The following KMT2D variants were observed in gnomAD, a reference collection of about 807,000 sequenced individuals.
The protein encoded by KMT2D is histone-lysine N-methyltransferase 2D.
A neutral mutation model predicts 512.7 loss-of-function variants in KMT2D; 55 were observed. The observed-to-expected ratio is 0.11, with a 90% CI of 0.09 to 0.13. KMT2D has a LOEUF of 0.13. Among genes scored for constraint, KMT2D ranks in the 10% least tolerant of loss-of-function variants. The pLI is 1.00. For missense variants in KMT2D, 6,061 were observed against 7,127.9 expected (o/e 0.85, Z 5.39); for synonymous variants, 2,995 against 2,904.0 (o/e 1.03, Z -1.01).
Position 49,046,666 on chromosome 12 carries a change from G to A in KMT2D, c.4361C>T (p.Thr1454Ile), listed in dbSNP as rs2120610701. Residue 1454 changes from threonine (T) to isoleucine (I), a missense_variant, in exon 16 of 55, where the codon ACA (threonine) becomes ATA (isoleucine). Physicochemically the swap from Thr to Ile is moderately conservative, Grantham distance 89. Coordinates refer to ENST00000301067, the MANE Select transcript of KMT2D (RefSeq NM_003482.4). The surrounding 1 kb of genome is among the most constrained non-coding windows in gnomAD (Gnocchi z 4.2). The part of the protein sequence containing the change: ...LCDDCDISYH[T>I]YCLDPPLLTV... ...GAGCAGTGGGGGGTCCAGGCAGTATGTGTGGTAGCTAATATCACAGTCATC... is the reference window on the plus strand; with the variant it reads ...GAGCAGTGGGGGGTCCAGGCAGTATATGTGGTAGCTAATATCACAGTCATC... 1 of 1,613,988 alleles carries A rather than the reference G, an allele frequency of 6.2e-7. No individual in the cohort carries two copies. Among genetic ancestry groups the A allele is most frequent in the Non-Finnish European group, 8.5e-7 (1 of 1,179,892 alleles).
chr12:49,054,778 C>T lies in KMT2D; in HGVS notation c.177-27G>A, dbSNP rs188961745. 93 of 1,609,148 alleles carry T rather than the reference C, an allele frequency of 5.8e-5. No individual in the cohort carries two copies. Among genetic ancestry groups the T allele is most frequent in the East Asian group, 1.6e-4 (7 of 44,746 alleles). The stretch of plus-strand genomic sequence containing the variant: ...TGTGGACACACAAGCATCAGTACCA[C>T]GCCAGGCCCCCAGCAACCCCATGAT... On this transcript the variant is annotated intron_variant, in intron 3 of 54. Transcript: ENST00000301067. This position sits in a 1 kb window ranked among gnomAD's most constrained non-coding sequence, Gnocchi z 6.4.
chr12:49,050,816 G>A (rs1243149984), intron 11 of KMT2D, 26 bp from the exon 12 acceptor site: 97 of 1,586,776 alleles, frequency 6.1e-5, no homozygotes, highest in Non-Finnish European at 8.3e-5. Flanking sequence ...AAAAAGAAGG[G>A]CTCTTAGATT....
intron 15 of KMT2D, 21 bp downstream of exon 15, chr12:49,047,944 C>T (rs376916948): frequency 1.9e-6 from 3 of 1,551,462 alleles, no homozygotes; most frequent in South Asian, 1.1e-5. Flanking sequence ...CCAGCCTACA[C>T]CTCTTGGGCC....
rs2137715754 is a variant in KMT2D, at chr12:49,026,381, C to G, written c.15585G>C (p.Gln5195His). ...FHAIGQLLPH[Q>H]MADFHSATAL... ...CAGTGGCACTATGAAAGTCAGCCAT[C>G]TGGTGAGGCAGCAGCTGTCCGATGG... Residue 5195 changes from glutamine to histidine, a missense_variant, in exon 49 of 55, where the codon CAG (glutamine) becomes CAC (histidine). By Grantham distance (24) the Gln-to-His change is conservative (BLOSUM62 0). This residue lies in a region of KMT2D where 261 missense variants were observed against 440.7 expected (regional missense o/e 0.59). Transcript: ENST00000301067. This position sits in a 1 kb window ranked among gnomAD's most constrained non-coding sequence, Gnocchi z 9.6. The G allele has an allele frequency of 6.2e-7, 1 of 1,612,756 alleles. No individual in the cohort carries two copies. The highest frequency in any genetic ancestry group is 8.5e-7 in the Non-Finnish European group (1 of 1,178,788).
chr12:49,048,151 C>A (rs1937669672), intron 14 of KMT2D, 82 bp from the exon 15 acceptor site: 2 of 934,056 alleles, frequency 2.1e-6, no homozygotes, highest in Non-Finnish European at 3.3e-6. Context: ...CGCTACAACA[C>A]TGATTTGCGA....
rs1468491856 is a variant in KMT2D at position 49,043,518 on chromosome 12, C to T, written c.5468-90G>A. ...AGTCCCACAGCCCTACAGGCCAGGA[C>T]CCTTGACCCCACCCTTGACTCCTGG... is the stretch of plus-strand genomic sequence containing the variant. On this transcript the variant is annotated intron_variant, in intron 24 of 54. Coordinates refer to ENST00000301067, the MANE Select transcript of KMT2D (RefSeq NM_003482.4). The T allele has an allele frequency of 3.1e-6, 5 of 1,587,746 alleles. No individual in the cohort carries two copies. In the East Asian group the frequency reaches 1.1e-4, roughly 36 times the overall value.
In KMT2D at chr12:49,054,214, C is replaced by T. The variant is rs1413400165; in HGVS notation, c.511-74G>A. The T allele has an allele frequency of 3.3e-6, 5 of 1,532,892 alleles. No individual in the cohort carries two copies. Among genetic ancestry groups the T allele is most frequent in the Non-Finnish European group, 4.4e-6 (5 of 1,131,892 alleles). The allele number at this position is 1,532,892 out of a possible 1,614,324, so 95.0% of individuals were successfully genotyped here. ...AAACAGTTCAGGCACTAGCTCTGCC[C>T]CAGTATACCCATGGTCCTTCTCATT... On this transcript the variant is annotated intron_variant, in intron 5 of 54. Transcript: ENST00000301067. The surrounding 1 kb of genome is among the most constrained non-coding windows in gnomAD (Gnocchi z 6.4).
At position 49,037,149 on chromosome 12, in the gene KMT2D, C is replaced by T. The variant is rs2120474682; in HGVS notation, c.10207G>A (p.Ala3403Thr). 1 of 1,580,364 alleles carries T rather than the reference C, an allele frequency of 6.3e-7. No homozygotes were observed. Among genetic ancestry groups the T allele is most frequent in the Non-Finnish European group, 8.6e-7 (1 of 1,157,574 alleles). Residue 3403 changes from alanine to threonine, a missense_variant, in exon 35 of 55, where the codon GCA (alanine) becomes ACA (threonine). Coordinates refer to ENST00000301067, the MANE Select transcript of KMT2D (RefSeq NM_003482.4). The stretch of plus-strand genomic sequence containing the variant: ...CCTGTATCTGGGAAGAAGCTGTTTG[C>T]CAGCTGCTGCTGCATTGCCAATTGC... ...PQQLAMQQQL[A>T]NSFFPDTDLD...
intron 46 of KMT2D, among the ~76,000 whole-genome samples, chr12:49,028,376 T>C (rs1306435306): frequency 8.5e-5 from 13 of 152,238 alleles, no homozygotes; most frequent in Admixed American, 7.8e-4. Flanking sequence ...TAGGAAATGA[T>C]GCATGCTCTA....
In KMT2D at chr12:49,050,283, G is replaced by A. The variant is rs780788375; in HGVS notation, c.3305C>T (p.Ser1102Phe). 7 of 1,611,598 alleles carry A rather than the reference G, an allele frequency of 4.3e-6. No homozygotes were observed. The highest frequency in any genetic ancestry group is 4.2e-6 in the Non-Finnish European group (5 of 1,178,828). The change falls in exon 12 of 55, where the codon TCC (serine) becomes TTC (phenylalanine). Residue 1102 changes from serine (S) to phenylalanine (F), a missense_variant. This residue lies in a region of KMT2D where 447 missense variants were observed against 500.1 expected (regional missense o/e 0.89). Transcript: ENST00000301067. ...SPLPSPMGDL[S>F]CPAPSPAPAL... is the part of the protein sequence containing the mutation. The stretch of plus-strand genomic sequence containing the variant: ...TGGGGCAGGGCTGGGGGCGGGGCAG[G>A]AAAGGTCCCCCATTGGGGAAGGGAG...
rs1938712052 is a variant in KMT2D, at chr12:49,060,793, G to GCGGAGGGATCCCGCCCTCT, written c.-1219_-1218insAGAGGGCGGGATCCCTCCG. 6.6e-6 allele frequency among the ~76,000 whole-genome samples: 1 copy of GCGGAGGGATCCCGCCCTCT among 152,236 alleles called. No individual in the cohort carries two copies. The highest frequency in any genetic ancestry group is 1.5e-5 in the Non-Finnish European group (1 of 68,044). On this transcript the variant is annotated 5_prime_UTR_variant, in exon 1 of 55. Coordinates refer to ENST00000301067, the MANE Select transcript of KMT2D (RefSeq NM_003482.4). ...CCCTATTTTGTGTTGGAGCGGAGCG[G>GCGGAGGGATCCCGCCCTCT]CGGAGGGATCCCGCCCTCTCGGAGG...
rs1438902528 is a variant in KMT2D, at chr12:49,052,192, C to T, written c.1491G>A (p.Pro497=). 9 of 1,612,470 alleles carry T rather than the reference C, an allele frequency of 5.6e-6. No homozygotes were observed. The highest frequency in any genetic ancestry group is 1.6e-4 in the Middle Eastern group (1 of 6,072). ...GGGGAGACAGAGGAGACTCCTCAGG[C>T]GGCGGAGAGAGGGGCGATTCCTCCA... is the stretch of plus-strand genomic sequence containing the variant. ...RPLEESPLSP[P]PEESPLSPPP... is the part of the protein sequence containing the mutation. Residue 497 remains proline, a synonymous_variant, in exon 11 of 55, where the codon CCG becomes CCA. Coordinates refer to ENST00000301067, the MANE Select transcript of KMT2D (RefSeq NM_003482.4).
Position 49,021,697 on chromosome 12 carries a change from C to T in KMT2D, c.*83G>A, listed in dbSNP as rs1198803249. ...CCCCAACCCTGGGTCCTGGCTCTGG[C>T]TGCTACCTCTCTTCCCCCTCATCCC... is the stretch of plus-strand genomic sequence containing the variant. On this transcript the variant is annotated 3_prime_UTR_variant, in exon 55 of 55. Coordinates refer to ENST00000301067, the MANE Select transcript of KMT2D (RefSeq NM_003482.4). 2.5e-6 allele frequency: 3 copies of T among 1,200,982 alleles called. No individual in the cohort carries two copies. Among genetic ancestry groups the T allele is most frequent in the Non-Finnish European group, 3.6e-6 (3 of 825,374 alleles). The allele number at this position is 1,200,982 out of a possible 1,614,324, so 74.4% of individuals were successfully genotyped here. A position where few individuals can be genotyped will look rare whatever the true frequency, so the allele number is the denominator to read the frequency against.
Position 49,038,056 on chromosome 12 carries a change from A to C in KMT2D, c.9300T>G (p.Pro3100=), listed in dbSNP as rs752927587. ...GTTCAGAGGCATCAGCAGCAGGGGG[A>C]GGGCGCTCCTCAGGGCCCAAGGGTC... ...EPGPLGPEER[P]PPAADASEPR... The change falls in exon 35 of 55, where the codon CCT becomes CCG. Residue 3100 remains proline (P), a synonymous_variant. Transcript: ENST00000301067. This position sits in a 1 kb window ranked among gnomAD's most constrained non-coding sequence, Gnocchi z 5.7. 5 of 1,612,154 alleles carry C rather than the reference A, an allele frequency of 3.1e-6. No individual in the cohort carries two copies. The African/African-American group carries it at 5.3e-5, about 17-fold the overall frequency.
In KMT2D at chr12:49,054,319, T is replaced by G; in HGVS notation, c.498A>C (p.Ser166=). 1 of 1,592,242 alleles carries G rather than the reference T, an allele frequency of 6.3e-7. No individual in the cohort carries two copies. The highest frequency in any genetic ancestry group is 8.6e-7 in the Non-Finnish European group (1 of 1,169,450). Residue 166 remains serine (S), a synonymous_variant, in exon 5 of 55, where the codon TCA becomes TCC. Transcript: ENST00000301067. The surrounding 1 kb of genome is among the most constrained non-coding windows in gnomAD (Gnocchi z 6.4). The part of the protein sequence containing the change: ...ELCGVDKAIF[S]GISQRCSHCT... ...GGCCCAGCCCCACCTGTGAGATCCC[T>G]GAGAAGATGGCCTTGTCCACACCAC...
At position 49,054,380 on chromosome 12, in the gene KMT2D, G is replaced by C. The variant is rs1233341881; in HGVS notation, c.437C>G (p.Ser146Trp). Reference protein sequence around the residue: ...CWAHHWCAAWSAGVWGQEGPE... With the variant: ...CWAHHWCAAWWAGVWGQEGPE... ...GCCCTCCTGCCCCCATACGCCTGCCGACCATGCAGCACACCAATGGTGAGC... is the reference window on the plus strand; with the variant it reads ...GCCCTCCTGCCCCCATACGCCTGCCCACCATGCAGCACACCAATGGTGAGC... The change falls in exon 5 of 55, where the codon TCG (serine) becomes TGG (tryptophan). Residue 146 changes from serine (S) to tryptophan (W), a missense_variant. By Grantham distance (177) the Ser-to-Trp change is radical (BLOSUM62 -3). Coordinates refer to ENST00000301067, the MANE Select transcript of KMT2D (RefSeq NM_003482.4). The surrounding 1 kb of genome is among the most constrained non-coding windows in gnomAD (Gnocchi z 6.4). 1 of 1,594,876 alleles carries C rather than the reference G, an allele frequency of 6.3e-7. No homozygotes were observed. The highest frequency in any genetic ancestry group is 8.5e-7 in the Non-Finnish European group (1 of 1,170,902).
Position 49,032,640 on chromosome 12 carries a change from G to T in KMT2D, c.12065C>A (p.Thr4022Lys), listed in dbSNP as rs368743947. The T allele has an allele frequency of 2.5e-6, 4 of 1,613,826 alleles. No individual in the cohort carries two copies. The highest frequency in any genetic ancestry group is 1.3e-5 in the African/African-American group (1 of 74,906). Residue 4022 changes from threonine to lysine, a missense_variant, in exon 40 of 55, where the codon ACG (threonine) becomes AAG (lysine). This residue lies in a region of KMT2D where 1,600 missense variants were observed against 1,754.9 expected (regional missense o/e 0.91). Transcript: ENST00000301067. Reference protein sequence around the residue: ...PGALGPTLLLTGKEQNTVDPA... With the variant: ...PGALGPTLLLKGKEQNTVDPA... ...GTCTACGGTGTTTTGTTCCTTGCCC[G>T]TCAGGAGGAGGGTTGGACCCAGGGC...
Position 49,041,234 on chromosome 12 carries a change from A to G in KMT2D, c.6536T>C (p.Leu2179Pro), listed in dbSNP as rs2120543751. The change falls in exon 32 of 55, where the codon CTG becomes CCG. Residue 2179 changes from leucine to proline, a missense_variant. Physicochemically the swap from Leu to Pro is moderately conservative, Grantham distance 98. Coordinates refer to ENST00000301067, the MANE Select transcript of KMT2D (RefSeq NM_003482.4). The surrounding 1 kb of genome is among the most constrained non-coding windows in gnomAD (Gnocchi z 5.4). The stretch of plus-strand genomic sequence containing the variant: ...GGGCTCCAGGGGATAGGCAGGGGCC[A>G]GTCCAAAGGGGTCCTGCGAAGGCAC... ...AQVPSQDPFG[L>P]APAYPLEPRF... The G allele has an allele frequency of 6.6e-7, 1 of 1,512,752 alleles. No homozygotes were observed. Among genetic ancestry groups the G allele is most frequent in the Non-Finnish European group, 8.8e-7 (1 of 1,133,936 alleles). 93.7% of individuals were successfully genotyped at this position (1,512,752 alleles called of 1,614,324 possible).
chr12:49,026,066 G>A lies in KMT2D; in HGVS notation c.15784+116C>T, dbSNP rs1942566038. 1 of 1,017,026 alleles carries A rather than the reference G, an allele frequency of 9.8e-7. No homozygotes were observed. Among genetic ancestry groups the A allele is most frequent in the Non-Finnish European group, 1.4e-6 (1 of 707,676 alleles). The allele number at this position is 1,017,026 out of a possible 1,614,324, so 63.0% of individuals were successfully genotyped here. ...AGAGACCCCCTGCCTGCCTGAGGTG[G>A]GGGAAGGAGGATCATTCACATAGAA... On this transcript the variant is annotated intron_variant, in intron 49 of 54. Transcript: ENST00000301067. This position sits in a 1 kb window ranked among gnomAD's most constrained non-coding sequence, Gnocchi z 9.6.
Sources: allele counts gnomAD v4.1 joint callset (sites outside exome capture counted in the v4.1 genomes callset), GRCh38; gene constraint gnomAD v4.1.1; regional missense constraint gnomAD v4.1.1; non-coding constraint Gnocchi (gnomAD v3.1); transcripts MANE v1.5; gene names NCBI Gene and HGNC (gene_info 2026-07-23, HGNC 2026-07-21).